Variants in GPBP1 observed in about 807,000 individuals in gnomAD.
The protein encoded by GPBP1 is GC-rich promoter binding protein 1.
A neutral mutation model predicts 56.5 loss-of-function variants in GPBP1; 13 were observed. The observed-to-expected ratio is 0.23, with a 90% confidence interval of 0.15 to 0.37. The LOEUF is 0.37. Ranked by LOEUF, GPBP1 falls within the 10% of genes least tolerant of loss-of-function variation. The probability of loss-of-function intolerance (pLI) is 1.00; values close to 1 mark genes in which losing one functional copy is unlikely to be tolerated. For missense variants in GPBP1, 477 were observed against 572.3 expected, an observed-to-expected ratio of 0.83 and a Z score of 1.70; for synonymous variants, 204 against 188.9, an observed-to-expected ratio of 1.08 and a Z score of -0.66.
At chr5:57,245,452 G>A (rs943242182) in intron 6 of GPBP1, 1 of 152,154 alleles carries the variant, frequency 6.6e-6, no homozygotes, top group African/African-American at 2.4e-5. Flanking sequence ...AATCATTACA[G>A]ATATCTACCC....
At chr5:57,262,127 T>G (rs1741921033) in intron 11 of GPBP1, among the ~76,000 whole-genome samples, 1 of 152,222 alleles carries the variant, frequency 6.6e-6, no homozygotes, top group Non-Finnish European at 1.5e-5. Flanking sequence ...CAATTCTTAT[T>G]TATTACCAAC....
chr5:57,234,742 T>G (rs1233609585), intron 5 of GPBP1, among the ~76,000 whole-genome samples: 1 of 152,180 alleles, frequency 6.6e-6, no homozygotes, highest in Non-Finnish European at 1.5e-5. Flanking sequence ...TGAGATACAG[T>G]TGCCCAGATA....
intron 2 of GPBP1, among the ~76,000 whole-genome samples, chr5:57,209,946 A>T (rs981050034): frequency 1.3e-5 from 2 of 152,056 alleles, no homozygotes; most frequent in Admixed American, 1.3e-4. Flanking sequence ...TTCCTTAGCT[A>T]TTGGTTGATT....
intron 2 of GPBP1, among the ~76,000 whole-genome samples, chr5:57,187,851 A>G (rs1174298746): frequency 6.6e-6 from 1 of 151,982 alleles, no homozygotes; most frequent in Non-Finnish European, 1.5e-5. Flanking sequence ...GACATAGGTA[A>G]GTATAAATTG....
chr5:57,230,280 T>G (rs1007703865), intron 3 of GPBP1, among the ~76,000 whole-genome samples: 6 of 152,250 alleles, frequency 3.9e-5, no homozygotes, highest in African/African-American at 1.4e-4. Context: ...ATTGTGGTTT[T>G]ATCAGATTAG....
intron 3 of GPBP1, among the ~76,000 whole-genome samples, chr5:57,219,300 C>A (rs1386016162): frequency 7.0e-6 from 1 of 143,264 alleles, no homozygotes; most frequent in Non-Finnish European, 1.5e-5. Flanking sequence ...TGCTTGAACC[C>A]GGGAGGCAGA....
Position 57,262,885 on chromosome 5 carries a change from A to C in GPBP1, c.*133A>C. On this transcript the variant is annotated 3_prime_UTR_variant, in exon 12 of 12. Transcript: ENST00000506184. The stretch of plus-strand genomic sequence containing the variant: ...AGAAGAGGATTTTTTGGGGGACTTC[A>C]ATATGAAGAAAACCAAGAATGTTTT... The C allele has an allele frequency of 1.4e-6, 1 of 693,462 alleles. No individual in the cohort carries two copies. Among genetic ancestry groups the C allele is most frequent in the Non-Finnish European group, 2.4e-6 (1 of 417,032 alleles). The allele number at this position is 693,462 out of a possible 1,614,324, so 43.0% of individuals were successfully genotyped here.
intron 2 of GPBP1, among the ~76,000 whole-genome samples, chr5:57,177,310 C>T (rs1370153149): frequency 1.3e-5 from 2 of 151,820 alleles, no homozygotes; most frequent in Non-Finnish European, 2.9e-5. Flanking sequence ...TTTAATTTTT[C>T]GGTGAATCAT....
chr5:57,197,295 T>C (rs1255934936), intron 2 of GPBP1, among the ~76,000 whole-genome samples: 1 of 151,646 alleles, frequency 6.6e-6, no homozygotes, highest in Middle Eastern at 3.5e-3. Flanking sequence ...ATTTCCATGC[T>C]CAGAGCAGGA....
At chr5:57,218,800 C>T (rs1755805932) in intron 3 of GPBP1, among the ~76,000 whole-genome samples, 3 of 152,176 alleles carry the variant, frequency 2.0e-5, no homozygotes, top group South Asian at 2.1e-4. Context: ...TTTGTTCTCC[C>T]ATAAGGACTT....
chr5:57,232,763 G>T (rs1756513048), intron 5 of GPBP1, among the ~76,000 whole-genome samples: 1 of 152,188 alleles, frequency 6.6e-6, no homozygotes, highest in Non-Finnish European at 1.5e-5. Context: ...AAAACTGGTG[G>T]CGAGTGTGTC....
chr5:57,197,777 A>G (rs1161020014), intron 2 of GPBP1, among the ~76,000 whole-genome samples: 1 of 148,666 alleles, frequency 6.7e-6, no homozygotes, highest in Non-Finnish European at 1.5e-5. Flanking sequence ...CTTGCTAGTT[A>G]TTTCTTAAAT....
At chr5:57,221,380 T>C in intron 3 of GPBP1, 1 of 1,532,806 alleles carries the variant, frequency 6.5e-7, no homozygotes, top group Non-Finnish European at 8.8e-7. Context: ...TAATAGGTCC[T>C]GACCAGCAGT....
At chr5:57,240,271 T>C (rs1740762425) in intron 6 of GPBP1, among the ~76,000 whole-genome samples, 2 of 151,976 alleles carry the variant, frequency 1.3e-5, no homozygotes, top group African/African-American at 4.8e-5. Flanking sequence ...AATGAAAACT[T>C]GATTAATTCA....
At chr5:57,198,665 A>G (rs1754868265) in intron 2 of GPBP1, among the ~76,000 whole-genome samples, 1 of 146,384 alleles carries the variant, frequency 6.8e-6, no homozygotes, top group African/African-American at 2.8e-5. Context: ...CCTGGCCAAC[A>G]TGGTACAACC....
intron 2 of GPBP1, among the ~76,000 whole-genome samples, chr5:57,198,666 T>C (rs532488707): frequency 6.8e-6 from 1 of 146,346 alleles, no homozygotes; most frequent in African/African-American, 2.8e-5. Context: ...CTGGCCAACA[T>C]GGTACAACCT....
chr5:57,188,970 A>G (rs1408966167), intron 2 of GPBP1, among the ~76,000 whole-genome samples: 3 of 152,048 alleles, frequency 2.0e-5, no homozygotes, highest in African/African-American at 7.2e-5. Flanking sequence ...CTAGACTTGT[A>G]CAAGCCTCTT....
chr5:57,255,799 A>G (rs747062548), intron 10 of GPBP1, among the ~76,000 whole-genome samples: 9 of 152,226 alleles, frequency 5.9e-5, no homozygotes, highest in Non-Finnish European at 1.3e-4. Context: ...TTTAATCTGC[A>G]GAGCAGATGT....
chr5:57,211,292 TC>T (rs1191355535), intron 2 of GPBP1, among the ~76,000 whole-genome samples: 1 of 152,074 alleles, frequency 6.6e-6, no homozygotes, highest in Non-Finnish European at 1.5e-5. Context: ...TCTCAAGCAG[TC>T]TTCTTCCCTC....
Sources: gnomAD v4.1 joint callset for allele counts (sites outside exome capture counted in the v4.1 genomes callset) on GRCh38, gnomAD v4.1.1 for gene constraint, MANE v1.5 for transcripts, NCBI Gene and HGNC (gene_info 2026-07-23, HGNC 2026-07-21) for gene names.